Variants in ERH observed in about 807,000 individuals in gnomAD.
ERH encodes the protein ERH mRNA splicing and mitosis factor.
In ERH, 1 loss-of-function variant was observed where a neutral mutation model predicts 16.8. That is an observed-to-expected ratio of 0.06 (90% CI 0.02 to 0.28). The LOEUF (loss-of-function observed/expected upper bound fraction) is 0.28. ERH is among the 10% of genes least tolerant of loss of function. The pLI, the probability that ERH is intolerant of heterozygous loss-of-function variation, is 1.00. For synonymous variants in ERH, 43 were observed against 43.6 expected, an observed-to-expected ratio of 0.99 and a Z score of 0.05; for missense variants, 42 against 127.5, an observed-to-expected ratio of 0.33 and a Z score of 3.23.
intron 2 of ERH, among the ~76,000 whole-genome samples, chr14:69,392,789 AAG>A (rs373454205): frequency 1.2e-4 from 18 of 152,216 alleles, no homozygotes; most frequent in African/African-American, 4.1e-4. Context: ...GGGGTGAAGA[AAG>A]AGAGTAATAT....
chr14:69,381,757 TG>T (rs2045864926), intron 3 of ERH, among the ~76,000 whole-genome samples: 2 of 152,166 alleles, frequency 1.3e-5, no homozygotes, highest in African/African-American at 4.8e-5. Flanking sequence ...GGTGCCATCT[TG>T]GCTCACTGCA....
intron 2 of ERH, among the ~76,000 whole-genome samples, chr14:69,391,895 T>C (rs751265391): frequency 3.3e-5 from 5 of 152,050 alleles, no homozygotes; most frequent in Admixed American, 6.5e-5. Flanking sequence ...TAATTATACA[T>C]GTCAAAACCC....
Position 69,380,644 on chromosome 14 carries a change from A to G in ERH, c.213-4T>C. ...TGTCTGGGTATCAGCTCGGTAACTG[A>G]GGAGAGAAAGGGAATAAGCAAAGTC... On this transcript the variant is annotated splice_polypyrimidine_tract_variant and splice_region_variant and intron_variant, in intron 3 of 3. Transcript: ENST00000557016. 1 of 1,568,632 alleles carries G rather than the reference A, an allele frequency of 6.4e-7. No homozygotes were observed. The highest frequency in any genetic ancestry group is 1.3e-5 in the African/African-American group (1 of 74,086).
At chr14:69,397,859 A>G (rs1238726316) in intron 1 of ERH, among the ~76,000 whole-genome samples, 1 of 152,162 alleles carries the variant, frequency 6.6e-6, no homozygotes, top group Non-Finnish European at 1.5e-5. Context: ...CAGAGGTTGC[A>G]GGGGTCTGAG....
intron 2 of ERH, among the ~76,000 whole-genome samples, chr14:69,391,021 G>A (rs982279545): frequency 3.9e-5 from 6 of 152,176 alleles, no homozygotes; most frequent in Non-Finnish European, 8.8e-5. Flanking sequence ...ACTCATTCAC[G>A]CTGGTGGGAA....
At chr14:69,384,723 G>A (rs953946687) in intron 3 of ERH, among the ~76,000 whole-genome samples, 29 of 152,094 alleles carry the variant, frequency 1.9e-4, no homozygotes, top group African/African-American at 6.3e-4. Flanking sequence ...CACAAGTGAC[G>A]TGCATTTATA....
chr14:69,398,019 G>A (rs550003452), intron 1 of ERH: 3 of 629,712 alleles, frequency 4.8e-6, no homozygotes, highest in African/African-American at 3.7e-5. Context: ...GCGAGCAGGC[G>A]GGCGCGCAAC....
chr14:69,387,855 C>T (rs566170591), intron 2 of ERH, among the ~76,000 whole-genome samples: 90 of 152,126 alleles, frequency 5.9e-4, no homozygotes, highest in African/African-American at 1.6e-3. Context: ...CCATCCTGGC[C>T]AACACAGTGA....
At chr14:69,397,921 A>G (rs1421658464) in intron 1 of ERH, 1 of 543,472 alleles carries the variant, frequency 1.8e-6, no homozygotes, top group East Asian at 3.2e-5. Context: ...CTCTATCTCA[A>G]AAAACAAAAC....
At chr14:69,394,401 C>T (rs1293444199) in intron 2 of ERH, among the ~76,000 whole-genome samples, 1 of 152,150 alleles carries the variant, frequency 6.6e-6, no homozygotes, top group Non-Finnish European at 1.5e-5. Context: ...TCGAGACCAG[C>T]CTGGCCAACA....
Position 69,387,295 on chromosome 14 carries a change from G to A in ERH, c.92-212C>T, listed in dbSNP as rs567291249. On this transcript the variant is annotated intron_variant, in intron 2 of 3. Transcript: ENST00000557016. ...CACCAGGTCAGGTGTAGTGGCTTAC[G>A]CCTGTAATCCCAGCTCTTTGGGAGG... 3.3e-5 allele frequency among the ~76,000 whole-genome samples: 5 copies of A among 152,226 alleles called. No individual in the cohort carries two copies. In the South Asian group the frequency reaches 6.2e-4, roughly 19 times the overall value.
intron 2 of ERH, among the ~76,000 whole-genome samples, chr14:69,393,670 T>C (rs188748649): frequency 5.9e-5 from 9 of 152,134 alleles, no homozygotes; most frequent in South Asian, 4.2e-4. Flanking sequence ...GGTGGGAGAA[T>C]GGTGAGGGAT....
At position 69,394,911 on chromosome 14, in the gene ERH, G is replaced by A; in HGVS notation, c.5C>T (p.Ser2Phe). Reference protein sequence around the residue: MSHTILLVQPTK... With the variant: MFHTILLVQPTK... Reference sequence around the variant, plus strand: ...AGGCTGTACCAGCAAAATGGTGTGAGACTGCAGGGGAAAACATGATTTCAA... The same window carrying A: ...AGGCTGTACCAGCAAAATGGTGTGAAACTGCAGGGGAAAACATGATTTCAA... Residue 2 changes from serine (S) to phenylalanine (F), a missense_variant and splice_region_variant, in exon 2 of 4, where the codon TCT becomes TTT. Physicochemically the swap from Ser to Phe is radical, Grantham distance 155. Coordinates refer to ENST00000557016, the MANE Select transcript of ERH (RefSeq NM_004450.3). 6.2e-7 allele frequency: 1 copy of A among 1,602,262 alleles called. No homozygotes were observed. Among genetic ancestry groups the A allele is most frequent in the Non-Finnish European group, 8.5e-7 (1 of 1,171,426 alleles).
chr14:69,381,015 G>A (rs1344398189), intron 3 of ERH, among the ~76,000 whole-genome samples: 3 of 152,212 alleles, frequency 2.0e-5, no homozygotes, highest in African/African-American at 7.2e-5. Context: ...GGGTGCAGTG[G>A]CTCATGCCTG....
intron 1 of ERH, 21 bp downstream of exon 1, chr14:69,398,210 A>T (rs1481201310): frequency 4.3e-6 from 7 of 1,613,886 alleles, no homozygotes; most frequent in Non-Finnish European, 5.1e-6. Context: ...GGACTCGGGT[A>T]GCCGCGGAGG....
chr14:69,384,463 G>A (rs1054693986), intron 3 of ERH, among the ~76,000 whole-genome samples: 8 of 152,296 alleles, frequency 5.3e-5, no homozygotes, highest in Non-Finnish European at 1.2e-4. Flanking sequence ...ACTCCAGCTA[G>A]CTCTTAACCA....
chr14:69,393,475 A>G (rs1483975324), intron 2 of ERH, among the ~76,000 whole-genome samples: 1 of 152,232 alleles, frequency 6.6e-6, no homozygotes, highest in Non-Finnish European at 1.5e-5. Context: ...ATGGAATACT[A>G]CTCAGCTATT....
At chr14:69,398,201 G>A in intron 1 of ERH, 30 bp downstream of exon 1, 1 of 1,613,946 alleles carries the variant, frequency 6.2e-7, no homozygotes, top group Non-Finnish European at 8.5e-7. Context: ...CGGGGACTCG[G>A]ACTCGGGTAG....
chr14:69,394,721 C>A, intron 2 of ERH, 104 bp downstream of exon 2: 2 of 639,534 alleles, frequency 3.1e-6, no homozygotes, highest in Non-Finnish European at 2.7e-6. Flanking sequence ...GTGATAAAGG[C>A]AGGGCCTGGG....
Sources: allele counts gnomAD v4.1 joint callset (sites outside exome capture counted in the v4.1 genomes callset), GRCh38; gene constraint gnomAD v4.1.1; transcripts MANE v1.5; gene names NCBI Gene and HGNC (gene_info 2026-07-23, HGNC 2026-07-21).